The following TTK variants were observed in gnomAD, a reference collection of about 807,000 sequenced individuals.
TTK encodes the protein dual specificity protein kinase TTK.
TTK carries 59 observed loss-of-function variants against 117.3 expected under a neutral mutation model. The ratio of observed to expected loss-of-function variants is 0.50; its 90% CI spans 0.41 to 0.62. The LOEUF is 0.62. TTK is among the 20% of genes least tolerant of loss of function. The pLI is 0.00. For missense variants in TTK, 921 were observed against 989.4 expected (o/e 0.93, Z 0.93); for synonymous variants, 302 against 325.0 (o/e 0.93, Z 0.76).
At chr6:80,038,593 A>G (rs559883541) in intron 18 of TTK, among the ~76,000 whole-genome samples, 1 of 152,318 alleles carries the variant, frequency 6.6e-6, no homozygotes, top group East Asian at 1.9e-4. Flanking sequence ...TAAATGGGAA[A>G]GAATATATAA....
intron 18 of TTK, 132 bp from the exon 19 acceptor site, chr6:80,039,564 A>G: frequency 3.6e-6 from 2 of 559,206 alleles, no homozygotes; most frequent in Non-Finnish European, 5.3e-6. Context: ...ATGTTTTGTC[A>G]TGTTAACATA....
Position 80,005,879 on chromosome 6 carries a change from A to G in TTK, c.36A>G (p.Thr12=), listed in dbSNP as rs888063436. The stretch of plus-strand genomic sequence containing the variant: ...AGGATTTAAGTGGCAGAGAATTGAC[A>G]ATTGATTCCATAATGAACAAAGTGA... ...ESEDLSGREL[T]IDSIMNKVRD... is the part of the protein sequence containing the mutation. The change falls in exon 2 of 22, where the codon ACA becomes ACG. Residue 12 remains threonine (T), a synonymous_variant. Coordinates refer to ENST00000369798, the MANE Select transcript of TTK (RefSeq NM_003318.5). 1.9e-6 allele frequency: 3 copies of G among 1,612,458 alleles called. No homozygotes were observed. The highest frequency in any genetic ancestry group is 1.3e-5 in the African/African-American group (1 of 74,784).
chr6:80,015,576 A>G (rs1004591693), intron 10 of TTK, among the ~76,000 whole-genome samples: 1 of 152,170 alleles, frequency 6.6e-6, no homozygotes, highest in Non-Finnish European at 1.5e-5. Flanking sequence ...GACACACACA[A>G]AAAAACATTA....
intron 21 of TTK, among the ~76,000 whole-genome samples, chr6:80,041,575 T>A (rs1768049719): frequency 6.6e-6 from 1 of 151,614 alleles, no homozygotes; most frequent in Admixed American, 6.6e-5. Context: ...TAGCTATAGT[T>A]GAGGTGGATT....
chr6:80,007,788 T>G, intron 2 of TTK, 21 bp from the exon 3 acceptor site: 1 of 1,573,086 alleles, frequency 6.4e-7, no homozygotes, highest in South Asian at 1.2e-5. Flanking sequence ...TCTTGTGATA[T>G]ATTTTGTTCC....
At chr6:80,033,524 T>C (rs998283724) in intron 14 of TTK, among the ~76,000 whole-genome samples, 2 of 152,226 alleles carry the variant, frequency 1.3e-5, no homozygotes, top group African/African-American at 4.8e-5. Context: ...TGCTCAGTGA[T>C]ATTAGCCCCT....
intron 10 of TTK, among the ~76,000 whole-genome samples, chr6:80,017,504 C>T (rs1187443838): frequency 6.6e-6 from 1 of 152,130 alleles, no homozygotes; most frequent in Non-Finnish European, 1.5e-5. Context: ...GTCTCAAACT[C>T]CTGAGTTCAA....
chr6:80,007,991 A>ACGTG lies in TTK; in HGVS notation c.322_323insCGTG (p.Ser108ThrfsTer5). 18 of 1,591,558 alleles carry ACGTG rather than the reference A, an allele frequency of 1.1e-5. No homozygotes were observed. Among genetic ancestry groups the ACGTG allele is most frequent in the Non-Finnish European group, 1.5e-5 (17 of 1,159,970 alleles). ...CCCAGATAAATATGGCCAAAATGAG[A>ACGTG]GTTTTGCTAGAATTCAAGTGAGATT... On this transcript the variant is annotated frameshift_variant, in exon 3 of 22. Transcript: ENST00000369798. LOFTEE classifies it high-confidence loss of function.
In TTK at chr6:80,010,942, A is replaced by G. The variant is rs1280945388; in HGVS notation, c.598A>G (p.Lys200Glu). Residue 200 changes from lysine (K) to glutamate (E), a missense_variant, in exon 5 of 22, where the codon AAG becomes GAG. Coordinates refer to ENST00000369798, the MANE Select transcript of TTK (RefSeq NM_003318.5). ...AAAGCAGCTGCTTTCAGAGGAGGAAAAGAAGAATTTATCAGGTAACTATTA... is the reference window on the plus strand; with the variant it reads ...AAAGCAGCTGCTTTCAGAGGAGGAAGAGAAGAATTTATCAGGTAACTATTA... ...QKKQLLSEEE[K>E]KNLSASTVLT... is the part of the protein sequence containing the mutation. The G allele has an allele frequency of 1.2e-6, 2 of 1,612,022 alleles. No individual in the cohort carries two copies. The highest frequency in any genetic ancestry group is 1.7e-6 in the Non-Finnish European group (2 of 1,178,494).
rs1471700231 is a variant in TTK at position 80,026,435 on chromosome 6, A to G, written c.1315A>G (p.Ile439Val). The change falls in exon 12 of 22, where the codon ATA becomes GTA. Residue 439 changes from isoleucine to valine, a missense_variant. Ile to Val is a conservative substitution (Grantham distance 29, BLOSUM62 3). Coordinates refer to ENST00000369798, the MANE Select transcript of TTK (RefSeq NM_003318.5). ...VFSVSKQSPP[I>V]STSKWFDPKS... ...TTCAGTTTCAAAACAGTCACCACCA[A>G]TATCAACATCTAAATGGTTTGACCC... The G allele has an allele frequency of 3.1e-6, 5 of 1,613,932 alleles. No individual in the cohort carries two copies. The highest frequency in any genetic ancestry group is 2.2e-5 in the East Asian group (1 of 44,834).
At chr6:80,020,096 A>G (rs1767419563) in intron 10 of TTK, among the ~76,000 whole-genome samples, 2 of 152,140 alleles carry the variant, frequency 1.3e-5, no homozygotes, top group African/African-American at 4.8e-5. Flanking sequence ...AGGCACAAAG[A>G]TCCAATAGCT....
chr6:80,005,863 G>A lies in TTK; in HGVS notation c.20G>A (p.Ser7Asn), dbSNP rs1035762334. ...TTAGAAATGGAATCCGAGGATTTAA[G>A]TGGCAGAGAATTGACAATTGATTCC... MESEDLSGRELTIDSIM... is the reference protein window; with the variant it reads MESEDLNGRELTIDSIM... Residue 7 changes from serine to asparagine, a missense_variant, in exon 2 of 22, where the codon AGT becomes AAT. Physicochemically the swap from Ser to Asn is conservative, Grantham distance 46 (BLOSUM62 1). Coordinates refer to ENST00000369798, the MANE Select transcript of TTK (RefSeq NM_003318.5). 29 of 1,612,582 alleles carry A rather than the reference G, an allele frequency of 1.8e-5. No homozygotes were observed. The African/African-American group carries it at 3.5e-4, about 19-fold the overall frequency.
rs1767036048 is a variant in TTK, at chr6:80,007,865, T to A, written c.196T>A (p.Leu66Met). The change falls in exon 3 of 22, where the codon TTG (leucine) becomes ATG (methionine). Residue 66 changes from leucine to methionine, a missense_variant. Physicochemically the swap from Leu to Met is conservative, Grantham distance 15 (BLOSUM62 2). Transcript: ENST00000369798. ...MMMANNPEDW[L>M]SLLLKLEKNS... ...GATGGCAAACAACCCAGAGGACTGG[T>A]TGAGTTTGTTGCTCAAACTAGAGAA... 6.2e-7 allele frequency: 1 copy of A among 1,613,336 alleles called. No homozygotes were observed. Among genetic ancestry groups the A allele is most frequent in the Admixed American group, 1.7e-5 (1 of 59,936 alleles).
intron 13 of TTK, among the ~76,000 whole-genome samples, chr6:80,029,105 T>C (rs1422682321): frequency 6.6e-6 from 1 of 152,158 alleles, no homozygotes; most frequent in Non-Finnish European, 1.5e-5. Context: ...CCATGAGTAA[T>C]TAACTATAAA....
intron 11 of TTK, among the ~76,000 whole-genome samples, chr6:80,023,390 G>A (rs1265755672): frequency 2.0e-5 from 3 of 152,164 alleles, no homozygotes; most frequent in Non-Finnish European, 4.4e-5. Flanking sequence ...TCAGGAGATC[G>A]AGACCATCTT....
Position 80,007,972 on chromosome 6 carries a change from T to A in TTK, c.303T>A (p.Asp101Glu), listed in dbSNP as rs776244342. The stretch of plus-strand genomic sequence containing the variant: ...AAGCAATTGAAGCGCTTCCCCCAGA[T>A]AAATATGGCCAAAATGAGAGTTTTG... ...YSQAIEALPPDKYGQNESFAR... is the reference protein window; with the variant it reads ...YSQAIEALPPEKYGQNESFAR... The change falls in exon 3 of 22, where the codon GAT becomes GAA. Residue 101 changes from aspartate (D) to glutamate (E), a missense_variant. Coordinates refer to ENST00000369798, the MANE Select transcript of TTK (RefSeq NM_003318.5). The A allele has an allele frequency of 1.7e-5, 28 of 1,613,444 alleles. No individual in the cohort carries two copies. Among genetic ancestry groups the A allele is most frequent in the Non-Finnish European group, 2.3e-5 (27 of 1,179,634 alleles).
intron 10 of TTK, among the ~76,000 whole-genome samples, chr6:80,018,626 CAAAAAA>C (rs398048650): frequency 3.4e-5 from 3 of 87,366 alleles, no homozygotes; most frequent in African/African-American, 1.2e-4. Flanking sequence ...GACTCCGTCT[CAAAAAA>C]AAAAAAAAAA....
At position 80,040,711 on chromosome 6, in the gene TTK, T is replaced by C. The variant is rs1768026619; in HGVS notation, c.2490+8T>C. The C allele has an allele frequency of 1.2e-6, 2 of 1,608,646 alleles. No homozygotes were observed. Among genetic ancestry groups the C allele is most frequent in the African/African-American group, 1.3e-5 (1 of 74,704 alleles). On this transcript the variant is annotated splice_region_variant and intron_variant, in intron 21 of 21. Coordinates refer to ENST00000369798, the MANE Select transcript of TTK (RefSeq NM_003318.5). ...ATTTTGAAAGCTGCTAAAGTAAGTA[T>C]GTCTATTCTTTACATTAATTTTTAC... is the stretch of plus-strand genomic sequence containing the variant.
At chr6:80,031,761 T>A (rs1458434713) in intron 14 of TTK, among the ~76,000 whole-genome samples, 3 of 152,278 alleles carry the variant, frequency 2.0e-5, no homozygotes, top group African/African-American at 7.2e-5. Context: ...TTATTCCCAG[T>A]CTTCTGCCTT....
Sources: gnomAD v4.1 joint callset for allele counts (sites outside exome capture counted in the v4.1 genomes callset) on GRCh38, gnomAD v4.1.1 for gene constraint, MANE v1.5 for transcripts, NCBI Gene and HGNC (gene_info 2026-07-23, HGNC 2026-07-21) for gene names.